ABCA10: variants seen among roughly 807,000 people sequenced by gnomAD.
ABCA10 encodes ATP binding cassette subfamily A member 10.
In ABCA10, 169 loss-of-function variants were observed where a neutral mutation model predicts 187.5. The observed-to-expected ratio is 0.90, with a 90% CI of 0.80 to 1.02. The LOEUF is 1.02. Ranked by LOEUF, ABCA10 falls within the 50% of genes least tolerant of loss-of-function variation. The probability of loss-of-function intolerance (pLI) is 0.00; values close to 1 mark genes in which losing one functional copy is unlikely to be tolerated. For missense variants in ABCA10, 1,727 were observed against 1,812.4 expected (o/e 0.95, Z 0.86); for synonymous variants, 574 against 601.8 (o/e 0.95, Z 0.68).
At chr17:69,215,492 C>T (rs2074696851) in intron 8 of ABCA10, 1 of 195,170 alleles carries the variant, frequency 5.1e-6, no homozygotes, top group Non-Finnish European at 1.0e-5. Flanking sequence ...AGACCCTTAT[C>T]CATGCCATCT....
intron 36 of ABCA10, chr17:69,150,512 G>A (rs2074119968): frequency 6.5e-6 from 1 of 154,266 alleles, no homozygotes. Context: ...CCCCTTTCAT[G>A]TTGCACAATC....
intron 1 of ABCA10, among the ~76,000 whole-genome samples, chr17:69,236,502 A>T (rs1393864258): frequency 6.6e-6 from 1 of 152,214 alleles, no homozygotes; most frequent in African/African-American, 2.4e-5. Flanking sequence ...TTATTACAAG[A>T]TTAGAATCGA....
intron 10 of ABCA10, among the ~76,000 whole-genome samples, 173 bp downstream of exon 10, chr17:69,201,327 T>C (rs2074542020): frequency 6.6e-6 from 1 of 152,120 alleles, no homozygotes; most frequent in Admixed American, 6.5e-5. Context: ...AATTTTACTG[T>C]TGATAGTATC....
chr17:69,207,402 G>A (rs1407576624), intron 9 of ABCA10, among the ~76,000 whole-genome samples: 1 of 152,166 alleles, frequency 6.6e-6, no homozygotes, highest in African/African-American at 2.4e-5. Flanking sequence ...CATCCTAAGG[G>A]AAGGAAGCCA....
At chr17:69,220,953 T>C (rs2074742981) in intron 5 of ABCA10, among the ~76,000 whole-genome samples, 1 of 152,160 alleles carries the variant, frequency 6.6e-6, no homozygotes, top group African/African-American at 2.4e-5. Context: ...TACAGAAAAA[T>C]GTTGCTAGTC....
At chr17:69,216,136 T>C in intron 7 of ABCA10, 81 bp downstream of exon 7, 8 of 1,546,920 alleles carry the variant, frequency 5.2e-6, no homozygotes, top group Non-Finnish European at 7.0e-6. Context: ...GTGATTACAC[T>C]AATATCCCAA....
At chr17:69,189,205 A>C (rs542804060) in intron 18 of ABCA10, among the ~76,000 whole-genome samples, 39 of 151,888 alleles carry the variant, frequency 2.6e-4, no homozygotes, top group African/African-American at 7.0e-4. Flanking sequence ...TTATTTTTTT[A>C]CTTTTTAATA....
intron 1 of ABCA10, among the ~76,000 whole-genome samples, chr17:69,241,015 T>C (rs1429647467): frequency 2.0e-5 from 3 of 152,182 alleles, no homozygotes; most frequent in Non-Finnish European, 4.4e-5. Flanking sequence ...TTTATTTCCT[T>C]TGCTCACTGG....
chr17:69,239,575 T>C (rs1162661204), intron 1 of ABCA10, among the ~76,000 whole-genome samples: 1 of 152,170 alleles, frequency 6.6e-6, no homozygotes, highest in Admixed American at 6.5e-5. Flanking sequence ...TGCTAAAATT[T>C]GGTCAAGTCT....
rs1412815437 is a variant in ABCA10 at position 69,201,588 on chromosome 17, T to G, written c.1087A>C (p.Ile363Leu). 6.2e-7 allele frequency: 1 copy of G among 1,612,876 alleles called. No individual in the cohort carries two copies. Among genetic ancestry groups the G allele is most frequent in the Non-Finnish European group, 8.5e-7 (1 of 1,179,666 alleles). Residue 363 changes from isoleucine to leucine, a missense_variant, in exon 10 of 39, where the codon ATC becomes CTC. Transcript: ENST00000690296. The part of the protein sequence containing the change: ...WSKHQNTHHE[I>L]FENEINPEHS... ...TCAGGATTTATTTCATTCTCAAAGA[T>G]TTCATGATGAGTATTTTGATGTTTG...
intron 10 of ABCA10, among the ~76,000 whole-genome samples, chr17:69,200,264 G>GTGTATTA (rs1404462045): frequency 6.6e-6 from 1 of 152,126 alleles, no homozygotes. Flanking sequence ...ATGACAAATT[G>GTGTATTA]TGTATTATTG....
At chr17:69,154,494 T>C (rs566203784) in intron 30 of ABCA10, among the ~76,000 whole-genome samples, 168 bp from the exon 31 acceptor site, 1 of 151,414 alleles carries the variant, frequency 6.6e-6, no homozygotes, top group East Asian at 1.9e-4. Flanking sequence ...GTGTAATCAT[T>C]GCCTGCTGCA....
At chr17:69,199,966 T>G (rs1352249000) in intron 10 of ABCA10, among the ~76,000 whole-genome samples, 1 of 152,130 alleles carries the variant, frequency 6.6e-6, no homozygotes, top group Non-Finnish European at 1.5e-5. Context: ...CTACTAAAAA[T>G]TATAGAATTT....
At chr17:69,232,597 T>C (rs918575328), upstream of ABCA10, among the ~76,000 whole-genome samples, 3 of 152,194 alleles carry the variant, frequency 2.0e-5, no homozygotes, top group South Asian at 2.1e-4. Flanking sequence ...AAATAATTTA[T>C]TATTTTTAAT....
chr17:69,178,869 T>G (rs1281748251), intron 22 of ABCA10: 1 of 152,182 alleles, frequency 6.6e-6, no homozygotes, highest in Non-Finnish European at 1.5e-5. Flanking sequence ...AAACACAATT[T>G]CCATTTGAAT....
upstream of ABCA10, among the ~76,000 whole-genome samples, chr17:69,229,305 G>C (rs538464228): frequency 6.6e-6 from 1 of 152,018 alleles, no homozygotes; most frequent in African/African-American, 2.4e-5. Flanking sequence ...CAACAGATGA[G>C]TCCAGAATAG....
chr17:69,184,288 T>G (rs2074403753), intron 20 of ABCA10, among the ~76,000 whole-genome samples: 1 of 152,000 alleles, frequency 6.6e-6, no homozygotes, highest in African/African-American at 2.4e-5. Context: ...CTCTTGGAAG[T>G]TCTATGGCCC....
intron 9 of ABCA10, among the ~76,000 whole-genome samples, chr17:69,214,030 A>C (rs1469195161): frequency 6.6e-6 from 1 of 152,222 alleles, no homozygotes; most frequent in Non-Finnish European, 1.5e-5. Flanking sequence ...ATTAACAAGA[A>C]CCAATTAATG....
At chr17:69,232,964 T>TCTTTTATTTCTCTATTTTCAGGGTC (rs1488547864), upstream of ABCA10, 3 of 152,198 alleles carry the variant, frequency 2.0e-5, no homozygotes, top group African/African-American at 7.2e-5. Context: ...GCTATTTGCT[T>TCTTTTATTTCTCTATTTTCAGGGTC]CTTTTATTTC....
Sources: allele counts gnomAD v4.1 joint callset (sites outside exome capture counted in the v4.1 genomes callset), GRCh38; gene constraint gnomAD v4.1.1; transcripts MANE v1.5; gene names NCBI Gene and HGNC (gene_info 2026-07-23, HGNC 2026-07-21).